The following SOX5 variants were observed in gnomAD, a reference collection of about 807,000 sequenced individuals.
SOX5 encodes the protein transcription factor SOX-5.
A neutral mutation model predicts 92.0 loss-of-function variants in SOX5; 9 were observed. That is an observed-to-expected ratio of 0.10 (90% CI 0.06 to 0.17). SOX5 has a LOEUF of 0.17. Ranked by LOEUF, SOX5 falls within the 10% of genes least tolerant of loss-of-function variation. The pLI is 1.00. For missense variants in SOX5, 642 were observed against 944.5 expected (o/e 0.68, Z 4.20); for synonymous variants, 344 against 336.3 (o/e 1.02, Z -0.25).
At chr12:23,973,393 T>C (rs1281198483) in intron 4 of SOX5, among the ~76,000 whole-genome samples, 2 of 152,028 alleles carry the variant, frequency 1.3e-5, no homozygotes, top group African/African-American at 2.4e-5. Context: ...ACTCCTGACC[T>C]CATGATCCAC....
rs977097142 is a variant in SOX5, at chr12:24,262,939, G to T, written c.-77+14277C>A. 3.3e-5 allele frequency among the ~76,000 whole-genome samples: 5 copies of T among 152,194 alleles called. No individual in the cohort carries two copies. The South Asian group carries it at 1.0e-3, about 32-fold the overall frequency. The stretch of plus-strand genomic sequence containing the variant: ...CAAAATGTCTTATAAGGAAATTACT[G>T]GGCTGCGCGCAGTGGCTCATGCCTG... On this transcript the variant is annotated intron_variant, in intron 3 of 4. Transcript: ENST00000446891.
At chr12:23,975,273 G>A (rs1399502963) in intron 4 of SOX5, among the ~76,000 whole-genome samples, 2 of 151,644 alleles carry the variant, frequency 1.3e-5, no homozygotes, top group East Asian at 1.9e-4. Context: ...ACTGATCCTC[G>A]ATACTATAAC....
Position 24,490,018 on chromosome 12 carries a change from G to A in SOX5, c.-251+72311C>T, listed in dbSNP as rs111233068. ...CACAGATACAGAAGGCAAAATCAGCGTAGAAGCCCTCACAGCAAACCTCTC... is the reference window on the plus strand; with the variant it reads ...CACAGATACAGAAGGCAAAATCAGCATAGAAGCCCTCACAGCAAACCTCTC... On this transcript the variant is annotated intron_variant, in intron 1 of 4. Coordinates refer to the SOX5 transcript ENST00000446891. Among the ~76,000 whole-genome samples the A allele has an allele frequency of 4.0e-3, 609 of 152,312 alleles. 4 individuals are homozygous for A. Among genetic ancestry groups the A allele is most frequent in the Middle Eastern group, 0.014 (4 of 294 alleles).
chr12:24,312,904 A>G (rs1203843651), intron 2 of SOX5, among the ~76,000 whole-genome samples: 1 of 152,080 alleles, frequency 6.6e-6, no homozygotes, highest in Non-Finnish European at 1.5e-5. Flanking sequence ...TTTCCTTCAA[A>G]TACTTCCAGC....
At chr12:24,289,223 G>A (rs919766834) in intron 2 of SOX5, among the ~76,000 whole-genome samples, 12 of 151,854 alleles carry the variant, frequency 7.9e-5, no homozygotes, top group Admixed American at 1.3e-4. Context: ...GGAGGCTGCA[G>A]TGAGCCGTGA....
intron 11 of SOX5, among the ~76,000 whole-genome samples, chr12:23,548,027 C>A (rs1943472153): frequency 2.0e-5 from 3 of 152,044 alleles, no homozygotes. Context: ...CACACGCACA[C>A]ATACACACAT....
chr12:24,063,463 G>C (rs916207361), intron 4 of SOX5, among the ~76,000 whole-genome samples: 5 of 152,134 alleles, frequency 3.3e-5, no homozygotes, highest in African/African-American at 1.2e-4. Context: ...CCAAAGACTG[G>C]CTCCTTCCCA....
At chr12:24,505,075 A>C (rs1032764969) in intron 1 of SOX5, among the ~76,000 whole-genome samples, 7 of 152,252 alleles carry the variant, frequency 4.6e-5, no homozygotes, top group African/African-American at 1.7e-4. Context: ...CAGTAAAAAC[A>C]GGTTTAAGAT....
intron 1 of SOX5, among the ~76,000 whole-genome samples, chr12:23,938,117 T>C (rs146597678): frequency 8.9e-4 from 135 of 151,196 alleles, no homozygotes; most frequent in Middle Eastern, 3.4e-3. Flanking sequence ...GTTCAGCTAA[T>C]ATTTCCCAGA....
intron 3 of SOX5, among the ~76,000 whole-genome samples, chr12:23,804,783 C>T (rs1163850128): frequency 6.6e-6 from 1 of 151,520 alleles, no homozygotes; most frequent in Admixed American, 6.6e-5. Flanking sequence ...ATACCGTTTT[C>T]TCCTTAAACT....
chr12:24,024,361 A>G lies in SOX5; in HGVS notation c.-1-128337T>C, dbSNP rs376980957. ...CAAAACATCAAGTGAATTTTATATT[A>G]AGACAATGAAAGCATACAGTCTGTT... On this transcript the variant is annotated intron_variant, in intron 4 of 4. Transcript: ENST00000446891. Among the ~76,000 whole-genome samples, 18 of 152,166 alleles carry G rather than the reference A, an allele frequency of 1.2e-4. No individual in the cohort carries two copies. The East Asian group carries it at 1.7e-3, about 15-fold the overall frequency.
intron 1 of SOX5, among the ~76,000 whole-genome samples, chr12:24,392,610 C>T (rs566818257): frequency 3.3e-4 from 50 of 152,172 alleles, no homozygotes; most frequent in African/African-American, 1.2e-3. Flanking sequence ...CCTACCCTCA[C>T]CCTGTTTTAT....
chr12:24,026,905 C>G (rs892322425), intron 4 of SOX5, among the ~76,000 whole-genome samples: 6 of 151,836 alleles, frequency 4.0e-5, no homozygotes, highest in Admixed American at 3.9e-4. Context: ...AACAGCTGAG[C>G]CTTTAAAGGT....
intron 2 of SOX5, among the ~76,000 whole-genome samples, chr12:23,867,209 G>A (rs756204079): frequency 6.6e-6 from 1 of 152,090 alleles, no homozygotes; most frequent in Non-Finnish European, 1.5e-5. Flanking sequence ...TGGAAGAAAG[G>A]TTTTAATCAC....
At chr12:24,155,565 C>T (rs1201013184) in intron 4 of SOX5, among the ~76,000 whole-genome samples, 1 of 152,130 alleles carries the variant, frequency 6.6e-6, no homozygotes, top group Non-Finnish European at 1.5e-5. Flanking sequence ...TTCCTGCCCA[C>T]ATGGTGGCCT....
At chr12:24,424,662 C>CCCTCCTTTT (rs376737479) in intron 1 of SOX5, among the ~76,000 whole-genome samples, 37 of 152,256 alleles carry the variant, frequency 2.4e-4, no homozygotes, top group African/African-American at 8.9e-4. Flanking sequence ...CTATAGTTTC[C>CCCTCCTTTT]CCTCCTTTTC....
chr12:24,151,864 A>AAAT (rs1555141217), intron 4 of SOX5, among the ~76,000 whole-genome samples: 5 of 152,026 alleles, frequency 3.3e-5, no homozygotes, highest in African/African-American at 1.2e-4. Flanking sequence ...AAGAAGTAAA[A>AAAT]AAATAAATAA....
At chr12:24,166,433 G>T (rs1430947083) in intron 4 of SOX5, among the ~76,000 whole-genome samples, 2 of 152,166 alleles carry the variant, frequency 1.3e-5, no homozygotes, top group East Asian at 1.9e-4. Flanking sequence ...ATGAAATCTT[G>T]AATGTGAATG....
rs1949159777 is a variant in SOX5 at position 24,510,014 on chromosome 12, ATT to A, written c.-251+52313_-251+52314del. ...TCTGATTTCTCTTCACTTAATCTGT[ATT>A]AAGGGCTTCACAAACAGTTTTAAAA... On this transcript the variant is annotated intron_variant, in intron 1 of 4. Coordinates refer to the SOX5 transcript ENST00000446891. Among the ~76,000 whole-genome samples the A allele has an allele frequency of 2.0e-5, 3 of 152,248 alleles. No homozygotes were observed. The South Asian group carries it at 6.2e-4, about 32-fold the overall frequency.
Sources: allele counts gnomAD v4.1 joint callset (sites outside exome capture counted in the v4.1 genomes callset), GRCh38; gene constraint gnomAD v4.1.1; transcripts MANE v1.5; gene names NCBI Gene and HGNC (gene_info 2026-07-23, HGNC 2026-07-21).